Variants in GPI observed in about 807,000 individuals in gnomAD.
GPI encodes D-hexose-6-phosphate anomerase.
A neutral mutation model predicts 75.8 loss-of-function variants in GPI; 56 were observed. The observed-to-expected ratio is 0.74, with a 90% confidence interval of 0.60 to 0.92. GPI has a LOEUF of 0.92. Among genes scored for constraint, GPI ranks in the 40% least tolerant of loss-of-function variants. GPI has a pLI of 0.00. For synonymous variants in GPI, 288 were observed against 285.4 expected, an observed-to-expected ratio of 1.01 and a Z score of -0.09; for missense variants, 638 against 741.0, an observed-to-expected ratio of 0.86 and a Z score of 1.61.
At chr19:34,369,174 G>A (rs548470162) in intron 4 of GPI, among the ~76,000 whole-genome samples, 17 of 151,246 alleles carry the variant, frequency 1.1e-4, no homozygotes, top group African/African-American at 3.9e-4. Flanking sequence ...TCAGCCTCCC[G>A]AGTAGCTGGA....
At chr19:34,360,597 C>G (rs1289744981), upstream of GPI, among the ~76,000 whole-genome samples, 1 of 151,994 alleles carries the variant, frequency 6.6e-6, no homozygotes, top group Non-Finnish European at 1.5e-5. Flanking sequence ...GACACTGTTT[C>G]AACTAATAAG....
intron 9 of GPI, among the ~76,000 whole-genome samples, chr19:34,385,517 A>C (rs1249208062): frequency 6.6e-6 from 1 of 152,078 alleles, no homozygotes; most frequent in Non-Finnish European, 1.5e-5. Context: ...CGGGTCTATC[A>C]GGTCTGAAGA....
Position 34,396,644 on chromosome 19 carries a change from G to T in GPI, c.1256G>T (p.Gly419Val). The change falls in exon 14 of 18, where the codon GGT becomes GTT. Residue 419 changes from glycine (G) to valine (V), a missense_variant. Transcript: ENST00000356487. Reference protein sequence around the residue: ...PVQTQHPIRKGLHHKILLANF... With the variant: ...PVQTQHPIRKVLHHKILLANF... ...CAGACCCAGCACCCCATACGGAAGG[G>T]TCTGCATCACAAGGTAAGAGCCCCC... The T allele has an allele frequency of 6.2e-7, 1 of 1,614,100 alleles. No individual in the cohort carries two copies. The highest frequency in any genetic ancestry group is 8.5e-7 in the Non-Finnish European group (1 of 1,179,962).
intron 15 of GPI, 76 bp from the exon 16 acceptor site, chr19:34,399,479 TG>T (rs2074990717): frequency 2.4e-5 from 38 of 1,564,010 alleles, no homozygotes; most frequent in Non-Finnish European, 3.1e-5. Context: ...TCTCAGCCTC[TG>T]GGGCAGGGTG....
chr19:34,364,959 C>G, upstream of GPI: 6 of 1,527,498 alleles, frequency 3.9e-6, no homozygotes, highest in Non-Finnish European at 4.4e-6. Flanking sequence ...GATCCCCGGG[C>G]TCTGCCCACC....
chr19:34,369,473 G>A (rs964445437), intron 4 of GPI, among the ~76,000 whole-genome samples: 16 of 152,202 alleles, frequency 1.1e-4, no homozygotes, highest in Admixed American at 2.6e-4. Flanking sequence ...TTGAGAGGCC[G>A]GGGTGGGTGG....
At chr19:34,375,912 T>C (rs762929276) in intron 4 of GPI, among the ~76,000 whole-genome samples, 8 of 152,220 alleles carry the variant, frequency 5.3e-5, no homozygotes, top group Non-Finnish European at 1.2e-4. Flanking sequence ...TGGTGTCTGA[T>C]TGGAGACTGG....
In GPI at chr19:34,399,961, A is replaced by G. The variant is rs2074998577; in HGVS notation, c.1602A>G (p.Gln534=). The G allele has an allele frequency of 3.7e-6, 6 of 1,613,758 alleles. No homozygotes were observed. The highest frequency in any genetic ancestry group is 1.3e-5 in the African/African-American group (1 of 74,908). Residue 534 remains glutamine, a synonymous_variant, in exon 18 of 18, where the codon CAA becomes CAG. Transcript: ENST00000356487. ...AGCCTGAGCTTGATGGCAGTGCTCA[A>G]GTGACCTCTCACGACGCTTCTACCA... ...KIEPELDGSA[Q]VTSHDASTNG...
upstream of GPI, among the ~76,000 whole-genome samples, chr19:34,360,859 C>T (rs2074297585): frequency 6.6e-6 from 1 of 152,218 alleles, no homozygotes; most frequent in East Asian, 1.9e-4. Context: ...CTCGCTGCAA[C>T]CTCTGCCACC....
At chr19:34,369,194 A>G (rs1176956077) in intron 4 of GPI, among the ~76,000 whole-genome samples, 1 of 151,596 alleles carries the variant, frequency 6.6e-6, no homozygotes, top group Admixed American at 6.6e-5. Context: ...AATTACAATT[A>G]TGCGCCACCC....
chr19:34,394,001 T>G lies in GPI; in HGVS notation c.997T>G (p.Cys333Gly). The G allele has an allele frequency of 6.2e-7, 1 of 1,613,210 alleles. No homozygotes were observed. Among genetic ancestry groups the G allele is most frequent in the Non-Finnish European group, 8.5e-7 (1 of 1,179,612 alleles). The change falls in exon 12 of 18, where the codon TGT becomes GGT. Residue 333 changes from cysteine to glycine, a missense_variant. By Grantham distance (159) the Cys-to-Gly change is radical. Transcript: ENST00000356487. ...TATCTGGTACATCAACTGCTTTGGG[T>G]GTGAGACACACGCCATGCTGCCCTA... ...LGIWYINCFG[C>G]ETHAMLPYDQ...
intron 1 of GPI, chr19:34,365,605 G>C: frequency 1.3e-6 from 1 of 792,116 alleles, no homozygotes; most frequent in Non-Finnish European, 2.1e-6. Flanking sequence ...CTCGGCCCCG[G>C]GTCTGCTTCG....
At chr19:34,366,516 T>G in intron 2 of GPI, 81 bp downstream of exon 2, 1 of 904,012 alleles carries the variant, frequency 1.1e-6, no homozygotes, top group Non-Finnish European at 1.9e-6. Context: ...CCCAGGACCT[T>G]GAGTATCTTG....
intron 3 of GPI, chr19:34,367,257 G>A: frequency 2.9e-6 from 1 of 343,902 alleles, no homozygotes; most frequent in South Asian, 2.3e-5. Context: ...GGCCAGGCCT[G>A]GGGGCCCCTG....
chr19:34,364,913 G>C (rs773765531), upstream of GPI: 46 of 1,458,844 alleles, frequency 3.2e-5, no homozygotes, highest in Non-Finnish European at 4.2e-5. Flanking sequence ...CGGCGCGATG[G>C]TAGCTCTCTG....
At chr19:34,385,447 T>A (rs769272634) in intron 9 of GPI, among the ~76,000 whole-genome samples, 20 of 151,612 alleles carry the variant, frequency 1.3e-4, no homozygotes, top group Non-Finnish European at 2.9e-4. Context: ...TACAGGTATG[T>A]AGGTATGTGG....
At chr19:34,397,431 T>C (rs2074961876) in intron 14 of GPI, 1 of 152,480 alleles carries the variant, frequency 6.6e-6, no homozygotes, top group African/African-American at 2.4e-5. Context: ...GATTCTGTCT[T>C]GCCACTTCTG....
rs774279701 is a variant in GPI, at chr19:34,381,480, G to A, written c.765G>A (p.Glu255=). The A allele has an allele frequency of 1.2e-6, 2 of 1,606,806 alleles. No individual in the cohort carries two copies. The highest frequency in any genetic ancestry group is 1.7e-6 in the Non-Finnish European group (2 of 1,173,552). ...ALSTNTTKVK[E]FGIDPQNMFE... ...TTTTTTTGTAGACCAAAGTGAAGGA[G>A]TTTGGAATTGACCCTCAAAACATGT... Residue 255 remains glutamate (E), a synonymous_variant, in exon 9 of 18, where the codon GAG becomes GAA. Coordinates refer to ENST00000356487, the MANE Select transcript of GPI (RefSeq NM_000175.5).
Position 34,400,167 on chromosome 19 carries a change from T to A in GPI, c.*131T>A. On this transcript the variant is annotated 3_prime_UTR_variant, in exon 18 of 18. Transcript: ENST00000356487. ...GGTTGTGGGCTTGGACCACGAGCCCTTAGCAGGGAAGGCTGGTCTCCCCCA... is the reference window on the plus strand; with the variant it reads ...GGTTGTGGGCTTGGACCACGAGCCCATAGCAGGGAAGGCTGGTCTCCCCCA... 1.0e-6 allele frequency: 1 copy of A among 957,398 alleles called. No homozygotes were observed. The highest frequency in any genetic ancestry group is 1.7e-6 in the Non-Finnish European group (1 of 602,310). The allele number at this position is 957,398 out of a possible 1,614,324, so 59.3% of individuals were successfully genotyped here. A position where few individuals can be genotyped will look rare whatever the true frequency, so the allele number is the denominator to read the frequency against.
Sources: gnomAD v4.1 joint callset for allele counts (sites outside exome capture counted in the v4.1 genomes callset) on GRCh38, gnomAD v4.1.1 for gene constraint, MANE v1.5 for transcripts, NCBI Gene and HGNC (gene_info 2026-07-23, HGNC 2026-07-21) for gene names.